Variants in SPATA18 observed in about 807,000 individuals in gnomAD.
SPATA18 encodes mitochondria-eating protein.
A neutral mutation model predicts 68.1 loss-of-function variants in SPATA18; 54 were observed. The ratio of observed to expected loss-of-function variants is 0.79; its 90% confidence interval spans 0.64 to 0.99. The LOEUF (loss-of-function observed/expected upper bound fraction) is 0.99. Among genes scored for constraint, SPATA18 ranks in the 50% least tolerant of loss-of-function variants. SPATA18 has a pLI of 0.00. For synonymous variants in SPATA18, 242 were observed against 244.8 expected, an observed-to-expected ratio of 0.99 and a Z score of 0.11; for missense variants, 724 against 681.1, an observed-to-expected ratio of 1.06 and a Z score of -0.70.
At position 52,079,850 on chromosome 4, in the gene SPATA18, C is replaced by T; in HGVS notation, c.1286C>T (p.Ala429Val). ...FIQEICCIAF[A>V]MQALEPPLDI... ...CAGGAGATATGTTGCATTGCCTTTG[C>T]AATGCAGGCCTTAGAACCACCCCTA... The change falls in exon 9 of 13, where the codon GCA becomes GTA. Residue 429 changes from alanine (A) to valine (V), a missense_variant. Coordinates refer to ENST00000295213, the MANE Select transcript of SPATA18 (RefSeq NM_145263.4). The T allele has an allele frequency of 6.2e-7, 1 of 1,614,052 alleles. No homozygotes were observed. Among genetic ancestry groups the T allele is most frequent in the Non-Finnish European group, 8.5e-7 (1 of 1,179,936 alleles).
At chr4:52,086,762 A>G (rs746964335) in intron 11 of SPATA18, among the ~76,000 whole-genome samples, 9 of 152,122 alleles carry the variant, frequency 5.9e-5, no homozygotes, top group Admixed American at 2.0e-4. Context: ...ATGATTTATA[A>G]TCATTTGGGT....
chr4:52,070,289 TA>T (rs1220497628), intron 5 of SPATA18, among the ~76,000 whole-genome samples: 1 of 151,978 alleles, frequency 6.6e-6, no homozygotes, highest in Non-Finnish European at 1.5e-5. Flanking sequence ...TAAGAAAAAA[TA>T]CTGCAGAAGT....
chr4:52,061,119 T>C (rs1738815199), intron 3 of SPATA18, among the ~76,000 whole-genome samples: 1 of 152,224 alleles, frequency 6.6e-6, no homozygotes, highest in East Asian at 1.9e-4. Flanking sequence ...CATCATTACA[T>C]CTGGGCAACC....
intron 1 of SPATA18, among the ~76,000 whole-genome samples, chr4:52,059,563 A>G (rs1309449109): frequency 6.6e-6 from 1 of 152,216 alleles, no homozygotes; most frequent in African/African-American, 2.4e-5. Context: ...TCCTTTTCCA[A>G]GTCTGGCTAA....
At chr4:52,081,100 C>T (rs1740882841) in intron 9 of SPATA18, among the ~76,000 whole-genome samples, 1 of 152,188 alleles carries the variant, frequency 6.6e-6, no homozygotes, top group Non-Finnish European at 1.5e-5. Context: ...CCACAGAGCA[C>T]ATTATCTTCA....
At chr4:52,088,542 T>C (rs1158680999) in intron 11 of SPATA18, among the ~76,000 whole-genome samples, 3 of 152,338 alleles carry the variant, frequency 2.0e-5, no homozygotes, top group African/African-American at 7.2e-5. Flanking sequence ...AAGATAATCA[T>C]GTGGTTTTTG....
chr4:52,090,445 G>T (rs11133342), intron 11 of SPATA18, among the ~76,000 whole-genome samples: 102,210 of 152,012 alleles, frequency 0.67, 38,942 homozygotes, highest in Non-Finnish European at 0.84. Context: ...TGTTTAGTGC[G>T]TCTTTCAGGA....
At chr4:52,072,840 A>G (rs934445955) in intron 6 of SPATA18, among the ~76,000 whole-genome samples, 6 of 152,210 alleles carry the variant, frequency 3.9e-5, no homozygotes, top group African/African-American at 1.4e-4. Flanking sequence ...CTCCAGGGAT[A>G]CTGTCCATTT....
chr4:52,066,523 C>T lies in SPATA18; in HGVS notation c.423-3298C>T, dbSNP rs529367143. ...AAATATTATATTTTATTTTAAGTTC[C>T]GGGATACACGTGCAGGATGTGCAGG... On this transcript the variant is annotated intron_variant, in intron 4 of 12. Coordinates refer to ENST00000295213, the MANE Select transcript of SPATA18 (RefSeq NM_145263.4). Among the ~76,000 whole-genome samples the T allele has an allele frequency of 9.2e-5, 14 of 152,178 alleles. 1 individual carries two copies. The highest frequency in any genetic ancestry group is 8.8e-5 in the Non-Finnish European group (6 of 68,014).
intron 10 of SPATA18, among the ~76,000 whole-genome samples, chr4:52,084,025 C>A (rs1472186153): frequency 1.4e-5 from 2 of 147,736 alleles, no homozygotes; most frequent in Non-Finnish European, 3.0e-5. Flanking sequence ...AGGCATGAAC[C>A]ACCACACCCG....
chr4:52,059,323 C>T (rs1197402738), intron 1 of SPATA18, among the ~76,000 whole-genome samples: 1 of 152,166 alleles, frequency 6.6e-6, no homozygotes, highest in Non-Finnish European at 1.5e-5. Context: ...CCTTATTGAG[C>T]CCTGAGGTGA....
At chr4:52,062,384 T>A (rs1255942608) in intron 4 of SPATA18, 52 bp downstream of exon 4, 1 of 1,300,244 alleles carries the variant, frequency 7.7e-7, no homozygotes, top group African/African-American at 1.5e-5. Context: ...TTCAATTTAA[T>A]TAAGTTTTAA....
chr4:52,095,160 T>TAACTCGAA lies in SPATA18; in HGVS notation c.*273_*274insAACTCGAA. The stretch of plus-strand genomic sequence containing the variant: ...AGGATCATATTCATTCGAAGCAAAG[T>TAACTCGAA]CCGTTACAAAGGTTCAAGATTTCCA... On this transcript the variant is annotated 3_prime_UTR_variant, in exon 13 of 13. Transcript: ENST00000295213. 2 of 493,456 alleles carry TAACTCGAA rather than the reference T, an allele frequency of 4.1e-6. No homozygotes were observed. Among genetic ancestry groups the TAACTCGAA allele is most frequent in the South Asian group, 6.4e-5 (2 of 31,024 alleles). 30.6% of individuals were successfully genotyped at this position (493,456 alleles called of 1,614,324 possible).
In SPATA18 at chr4:52,051,567, TG is replaced by T; in HGVS notation, c.-136del. The T allele has an allele frequency of 1.2e-6, 1 of 827,564 alleles. No homozygotes were observed. The highest frequency in any genetic ancestry group is 1.5e-5 in the South Asian group (1 of 65,452). 51.3% of individuals were successfully genotyped at this position (827,564 alleles called of 1,614,324 possible). On this transcript the variant is annotated 5_prime_UTR_variant, in exon 1 of 13. An upstream open reading frame in the 5' UTR loses its in-frame stop. Coordinates refer to ENST00000295213, the MANE Select transcript of SPATA18 (RefSeq NM_145263.4). ...GCCAGGTCCGACCCGAGGGGGAGGA[TG>T]GAAACACCTGCCGCGCTCTGAGCCC...
At chr4:52,092,395 A>G (rs1742044233) in intron 11 of SPATA18, among the ~76,000 whole-genome samples, 1 of 152,184 alleles carries the variant, frequency 6.6e-6, no homozygotes. Flanking sequence ...AGACCATGGG[A>G]CAAGCGCAGC....
chr4:52,066,219 C>T (rs1192365935), intron 4 of SPATA18, among the ~76,000 whole-genome samples: 3 of 152,132 alleles, frequency 2.0e-5, no homozygotes, highest in Non-Finnish European at 4.4e-5. Context: ...GGTGCGATCT[C>T]GGCTCACTGC....
At chr4:52,080,516 T>C (rs746859225) in intron 9 of SPATA18, among the ~76,000 whole-genome samples, 1 of 152,234 alleles carries the variant, frequency 6.6e-6, no homozygotes, top group Non-Finnish European at 1.5e-5. Context: ...ATTTAAAACA[T>C]TGTATTGTGA....
intron 1 of SPATA18, among the ~76,000 whole-genome samples, chr4:52,057,129 T>C (rs1240412190): frequency 2.0e-5 from 3 of 152,172 alleles, no homozygotes; most frequent in African/African-American, 7.2e-5. Flanking sequence ...CTTGTTCTTA[T>C]CTTGTTCTCC....
At chr4:52,072,823 G>A (rs1184302368) in intron 6 of SPATA18, among the ~76,000 whole-genome samples, 1 of 152,198 alleles carries the variant, frequency 6.6e-6, no homozygotes, top group African/African-American at 2.4e-5. Context: ...ATGCCTGGGA[G>A]TCCTCTCTCC....
Sources: gnomAD v4.1 joint callset for allele counts (sites outside exome capture counted in the v4.1 genomes callset) on GRCh38, gnomAD v4.1.1 for gene constraint, MANE v1.5 for transcripts, NCBI Gene and HGNC (gene_info 2026-07-23, HGNC 2026-07-21) for gene names.